The following ECI2 variants were observed in gnomAD, a reference collection of about 807,000 sequenced individuals.
The protein encoded by ECI2 is D3,D2-enoyl-CoA isomerase.
A neutral mutation model predicts 38.4 loss-of-function variants in ECI2; 27 were observed. The ratio of observed to expected loss-of-function variants is 0.70; its 90% confidence interval spans 0.52 to 0.97. The LOEUF is 0.97. Among genes scored for constraint, ECI2 ranks in the 50% least tolerant of loss-of-function variants. The pLI, the probability that ECI2 is intolerant of heterozygous loss-of-function variation, is 0.00. For synonymous variants in ECI2, 168 were observed against 172.0 expected, an observed-to-expected ratio of 0.98 and a Z score of 0.18; for missense variants, 470 against 474.4, an observed-to-expected ratio of 0.99 and a Z score of 0.09.
At chr6:4,135,008 G>A in intron 1 of ECI2, 1 of 400,934 alleles carries the variant, frequency 2.5e-6, no homozygotes, top group Non-Finnish European at 5.2e-6. Context: ...GAGGTGCAGC[G>A]TGCTTCTTAG....
At chr6:4,120,972 A>T in intron 7 of ECI2, among the ~76,000 whole-genome samples, 1 of 152,202 alleles carries the variant, frequency 6.6e-6, no homozygotes, top group East Asian at 1.9e-4. Flanking sequence ...ATAGGTAAAT[A>T]CCTAAGTGGT....
chr6:4,126,352 G>A (rs1773158899), intron 5 of ECI2, 115 bp from the exon 6 acceptor site: 2 of 831,384 alleles, frequency 2.4e-6, no homozygotes, highest in East Asian at 5.2e-5. Flanking sequence ...AACGAGCAAT[G>A]GTTCCTGCCC....
At chr6:4,125,631 A>T in intron 6 of ECI2, 1 of 513,506 alleles carries the variant, frequency 1.9e-6, no homozygotes, top group Non-Finnish European at 3.5e-6. Flanking sequence ...TATTCTGGAC[A>T]GTGAGTTCAG....
chr6:4,132,677 A>G (rs1455468704), intron 2 of ECI2, among the ~76,000 whole-genome samples: 2 of 152,184 alleles, frequency 1.3e-5, no homozygotes, highest in Non-Finnish European at 2.9e-5. Flanking sequence ...CAAACATACC[A>G]AAGTAGAATA....
chr6:4,135,475 C>T (rs1242982477), intron 1 of ECI2, 36 bp downstream of exon 1: 1 of 1,611,444 alleles, frequency 6.2e-7, no homozygotes, highest in Non-Finnish European at 8.5e-7. Flanking sequence ...ATCCTGCGGG[C>T]GACCATGGGC....
chr6:4,120,011 T>C (rs1370455440), intron 7 of ECI2, among the ~76,000 whole-genome samples: 1 of 152,242 alleles, frequency 6.6e-6, no homozygotes, highest in East Asian at 1.9e-4. Flanking sequence ...TTCCTCGCTA[T>C]TTCTGAGTAG....
chr6:4,117,596 T>C (rs1020607320), intron 8 of ECI2, 145 bp from the exon 9 acceptor site: 1 of 1,119,430 alleles, frequency 8.9e-7, no homozygotes, highest in East Asian at 2.7e-5. Flanking sequence ...GCTGATGACC[T>C]CAATAGGCAA....
At chr6:4,121,418 T>C (rs1476542564) in intron 7 of ECI2, among the ~76,000 whole-genome samples, 1 of 152,230 alleles carries the variant, frequency 6.6e-6, no homozygotes, top group Non-Finnish European at 1.5e-5. Flanking sequence ...ATTTTCTCAG[T>C]GGTTTCTCTC....
chr6:4,125,775 A>G (rs1462857945), intron 6 of ECI2: 4 of 422,752 alleles, frequency 9.5e-6, no homozygotes, highest in Non-Finnish European at 1.8e-5. Context: ...TGTGTTTACA[A>G]GACTCCTCCG....
In ECI2 at chr6:4,133,982, A is replaced by C. The variant is rs371480694; in HGVS notation, c.51-271T>G. 4.6e-5 allele frequency among the ~76,000 whole-genome samples: 7 copies of C among 152,402 alleles called. No individual in the cohort carries two copies. The East Asian group carries it at 1.3e-3, about 29-fold the overall frequency. On this transcript the variant is annotated intron_variant, in intron 1 of 9. Transcript: ENST00000380118. ...TAAGCAACTAAAGATAAAAGCAGCC[A>C]GAACAGGAATGACCATGTAAATTTT... is the stretch of plus-strand genomic sequence containing the variant.
chr6:4,130,435 G>A lies in ECI2; in HGVS notation c.438C>T (p.Ser146=), dbSNP rs769038606. The part of the protein sequence containing the change: ...STGFETLVVT[S]EDGITKIMFN... ...ACATGATCTTTGTGATGCCATCTTC[G>A]GAGGTCACCACCAGAGTTTCAAACC... is the stretch of plus-strand genomic sequence containing the variant. The change falls in exon 4 of 10, where the codon TCC becomes TCT. Residue 146 remains serine, a synonymous_variant. Coordinates refer to ENST00000380118, the MANE Select transcript of ECI2 (RefSeq NM_206836.3). The A allele has an allele frequency of 2.9e-5, 47 of 1,613,986 alleles. 1 individual carries two copies. The highest frequency in any genetic ancestry group is 5.3e-5 in the African/African-American group (4 of 74,892).
rs180948021 is a variant in ECI2, at chr6:4,133,262, A to G, written c.213+287T>C. On this transcript the variant is annotated intron_variant, in intron 2 of 9. Transcript: ENST00000380118. The stretch of plus-strand genomic sequence containing the variant: ...CAATTGTCTTAAAAATACCTTTTTC[A>G]GTTGATTTATTCTAATCAAGAGCTA... 3.7e-4 allele frequency among the ~76,000 whole-genome samples: 56 copies of G among 152,234 alleles called. No individual in the cohort carries two copies. In the East Asian group the frequency reaches 7.7e-3, roughly 21 times the overall value.
intron 3 of ECI2, 53 bp from the exon 4 acceptor site, chr6:4,130,613 T>G (rs1278392402): frequency 1.2e-6 from 2 of 1,613,452 alleles, no homozygotes; most frequent in African/African-American, 2.7e-5. Flanking sequence ...ATAAGCACTT[T>G]GAGAAAGTTA....
At chr6:4,125,046 A>G (rs952251940) in intron 7 of ECI2, 2 of 807,416 alleles carry the variant, frequency 2.5e-6, no homozygotes, top group Non-Finnish European at 4.0e-6. Context: ...AGTTGGAACA[A>G]TGTTCACAAC....
chr6:4,126,803 T>A (rs568605781), intron 5 of ECI2, among the ~76,000 whole-genome samples: 1 of 152,324 alleles, frequency 6.6e-6, no homozygotes, highest in East Asian at 1.9e-4. Context: ...TGTTTCTGAG[T>A]GTGTGTGTTT....
chr6:4,130,309 T>C, intron 4 of ECI2, 63 bp downstream of exon 4: 2 of 1,613,892 alleles, frequency 1.2e-6, no homozygotes, highest in South Asian at 2.2e-5. Context: ...TCTACAGCTT[T>C]TGTGTGAAAC....
intron 7 of ECI2, among the ~76,000 whole-genome samples, chr6:4,121,754 G>T (rs1319393456): frequency 1.3e-5 from 2 of 150,314 alleles, no homozygotes; most frequent in Non-Finnish European, 3.0e-5. Context: ...AATTATGAAA[G>T]AATGTTAATT....
At chr6:4,133,387 A>G (rs1334104283) in intron 2 of ECI2, among the ~76,000 whole-genome samples, 162 bp downstream of exon 2, 1 of 152,164 alleles carries the variant, frequency 6.6e-6, no homozygotes, top group East Asian at 1.9e-4. Context: ...GGTCTAATAT[A>G]AAAAACTGGC....
At chr6:4,119,890 C>T (rs1214224451) in intron 7 of ECI2, among the ~76,000 whole-genome samples, 1 of 127,810 alleles carries the variant, frequency 7.8e-6, no homozygotes, top group Non-Finnish European at 1.6e-5. Context: ...TGTTTTCTGT[C>T]CCTACAGTTT....
Sources: gnomAD v4.1 joint callset for allele counts (sites outside exome capture counted in the v4.1 genomes callset) on GRCh38, gnomAD v4.1.1 for gene constraint, MANE v1.5 for transcripts, NCBI Gene and HGNC (gene_info 2026-07-23, HGNC 2026-07-21) for gene names.